RANGAP1: variants seen among roughly 807,000 people sequenced by gnomAD.
RANGAP1 encodes ran GTPase-activating protein 1.
A neutral mutation model predicts 63.5 loss-of-function variants in RANGAP1; 38 were observed. The observed-to-expected ratio is 0.60, with a 90% CI of 0.46 to 0.78. RANGAP1 has a LOEUF of 0.78. Among genes scored for constraint, RANGAP1 ranks in the 30% least tolerant of loss-of-function variants. The probability of loss-of-function intolerance (pLI) is 0.00; values close to 1 mark genes in which losing one functional copy is unlikely to be tolerated. For synonymous variants in RANGAP1, 329 were observed against 310.5 expected, an observed-to-expected ratio of 1.06 and a Z score of -0.63; for missense variants, 630 against 740.3, an observed-to-expected ratio of 0.85 and a Z score of 1.73.
intron 12 of RANGAP1, among the ~76,000 whole-genome samples, chr22:41,251,325 A>T (rs1439735481): frequency 6.6e-6 from 1 of 152,202 alleles, no homozygotes; most frequent in Non-Finnish European, 1.5e-5. Flanking sequence ...GTGAATGAAC[A>T]AGGATGAAAA....
At chr22:41,282,167 A>T (rs1286068693) in intron 1 of RANGAP1, 1 of 152,218 alleles carries the variant, frequency 6.6e-6, no homozygotes, top group African/African-American at 2.4e-5. Flanking sequence ...GTGTGGTGGC[A>T]CGTGCCTGTA....
the RANGAP1 span, among the ~76,000 whole-genome samples, chr22:41,300,654 A>G: frequency 6.7e-6 from 1 of 149,994 alleles, no homozygotes; most frequent in South Asian, 2.1e-4. Flanking sequence ...GTATTTTTGT[A>G]GAGATGGGGT....
intron 1 of RANGAP1, among the ~76,000 whole-genome samples, chr22:41,283,454 A>G (rs1192939542): frequency 6.6e-6 from 1 of 152,204 alleles, no homozygotes; most frequent in Non-Finnish European, 1.5e-5. Flanking sequence ...GGTTGCAGTG[A>G]GCCAAGATCG....
rs1379180843 is a variant in RANGAP1, at chr22:41,245,073, T to C, written c.*1530A>G. ...TCCACGTTGTAGCTGGCATCAGAACTTAATGCCAGCCCCACACCCACCCCC... is the reference window on the plus strand; with the variant it reads ...TCCACGTTGTAGCTGGCATCAGAACCTAATGCCAGCCCCACACCCACCCCC... On this transcript the variant is annotated 3_prime_UTR_variant, in exon 16 of 16. Transcript: ENST00000356244. Among the ~76,000 whole-genome samples, 11 of 152,354 alleles carry C rather than the reference T, an allele frequency of 7.2e-5. No homozygotes were observed. In the East Asian group the frequency reaches 1.5e-3, roughly 21 times the overall value.
At chr22:41,284,542 G>C (rs915312464) in intron 1 of RANGAP1, among the ~76,000 whole-genome samples, 2 of 151,606 alleles carry the variant, frequency 1.3e-5, no homozygotes, top group Non-Finnish European at 2.9e-5. Context: ...ACTCCAACGT[G>C]GGCAACAAGA....
chr22:41,263,791 G>A (rs781653787), intron 5 of RANGAP1, among the ~76,000 whole-genome samples: 4 of 152,330 alleles, frequency 2.6e-5, no homozygotes, highest in South Asian at 2.1e-4. Flanking sequence ...TCACCCTCAC[G>A]TCAGGCCGAG....
chr22:41,248,256 C>G (rs748027768), intron 15 of RANGAP1, among the ~76,000 whole-genome samples: 1 of 152,220 alleles, frequency 6.6e-6, no homozygotes, highest in Non-Finnish European at 1.5e-5. Context: ...CTACCTAGCA[C>G]CTGGCAGAGG....
Position 41,261,031 on chromosome 22 carries a change from C to T in RANGAP1, c.615+415G>A, listed in dbSNP as rs565774567. Among the ~76,000 whole-genome samples, 20 of 152,226 alleles carry T rather than the reference C, an allele frequency of 1.3e-4. No homozygotes were observed. In the South Asian group the frequency reaches 2.9e-3, roughly 22 times the overall value. The stretch of plus-strand genomic sequence containing the variant: ...CACGTCATTTGGCACCTGAGCCCTG[C>T]GGCTGCCCCTGCCTATCTCCCTGTC... On this transcript the variant is annotated intron_variant, in intron 6 of 15. Coordinates refer to ENST00000356244, the MANE Select transcript of RANGAP1 (RefSeq NM_002883.4).
At chr22:41,254,634 G>C in intron 10 of RANGAP1, 140 bp from the exon 11 acceptor site, 2 of 1,482,190 alleles carry the variant, frequency 1.3e-6, no homozygotes, top group Non-Finnish European at 1.8e-6. Context: ...TGCTCCCAGG[G>C]CAGGGGCAGG....
upstream of RANGAP1, among the ~76,000 whole-genome samples, chr22:41,290,158 AAGAGAGAG>A (rs1217806089): frequency 2.2e-5 from 3 of 138,648 alleles, no homozygotes; most frequent in African/African-American, 5.5e-5. Context: ...AAAAAAAAAA[AAGAGAGAG>A]AGAGAGAGAG....
chr22:41,250,471 A>C (rs940659080), intron 13 of RANGAP1, among the ~76,000 whole-genome samples: 1 of 152,190 alleles, frequency 6.6e-6, no homozygotes. Flanking sequence ...AGGCTCAGTC[A>C]AGCACATGGA....
At chr22:41,300,428 T>TCACACACACACACACACA in the RANGAP1 span, among the ~76,000 whole-genome samples, 8 of 36,276 alleles carry the variant, frequency 2.2e-4, no homozygotes, top group East Asian at 5.8e-4. Flanking sequence ...TATTGGGAAC[T>TCACACACACACACACACA]CACACACACA....
At chr22:41,256,606 G>T in intron 8 of RANGAP1, 105 bp downstream of exon 8, 1 of 949,950 alleles carries the variant, frequency 1.1e-6, no homozygotes, top group Non-Finnish European at 1.6e-6. Flanking sequence ...GAGGAGCTGG[G>T]ATATGGACAC....
intron 13 of RANGAP1, 45 bp from the exon 14 acceptor site, chr22:41,249,862 G>C (rs776080955): frequency 1.9e-6 from 3 of 1,567,182 alleles, no homozygotes; most frequent in African/African-American, 2.7e-5. Flanking sequence ...CTATGGCAGA[G>C]GGCTGGGCCA....
In RANGAP1 at chr22:41,246,388, AGACGTTAAAACCCAAATCCC is replaced by A; in HGVS notation, c.*195_*214del. 1.9e-6 allele frequency: 1 copy of A among 523,348 alleles called. No homozygotes were observed. The highest frequency in any genetic ancestry group is 3.4e-5 in the East Asian group (1 of 29,196). 32.4% of individuals were successfully genotyped at this position (523,348 alleles called of 1,614,324 possible). ...AACAGAGCAGGGCTGGGCCAGCAGA[AGACGTTAAAACCCAAATCCC>A]GACAGGAGGCACAGACCTGCACATG... On this transcript the variant is annotated 3_prime_UTR_variant, in exon 16 of 16. Transcript: ENST00000356244.
intron 2 of RANGAP1, chr22:41,280,659 A>T: frequency 1.5e-6 from 2 of 1,373,764 alleles, no homozygotes; most frequent in South Asian, 2.5e-5. Context: ...GACTGGCACT[A>T]ACTGTGGCCC....
chr22:41,274,563 C>G lies in RANGAP1; in HGVS notation c.240+37G>C, dbSNP rs768034212. The G allele has an allele frequency of 5.0e-5, 81 of 1,610,782 alleles. No individual in the cohort carries two copies. In the Middle Eastern group the frequency reaches 1.1e-3, roughly 21 times the overall value. On this transcript the variant is annotated intron_variant, in intron 3 of 15. Transcript: ENST00000356244. ...GTGGAAGTGTGAACAGAAGCTTGTTCAAACCAGCCTGGGCCTACTCGCCCC... is the reference window on the plus strand; with the variant it reads ...GTGGAAGTGTGAACAGAAGCTTGTTGAAACCAGCCTGGGCCTACTCGCCCC...
the RANGAP1 span, among the ~76,000 whole-genome samples, chr22:41,294,251 G>C: frequency 6.6e-6 from 1 of 152,198 alleles, no homozygotes; most frequent in Non-Finnish European, 1.5e-5. Context: ...ACGGGGTTTC[G>C]CTGTGTTGGC....
upstream of RANGAP1, among the ~76,000 whole-genome samples, chr22:41,286,555 C>G (rs2035757438): frequency 6.6e-6 from 1 of 152,244 alleles, no homozygotes; most frequent in Non-Finnish European, 1.5e-5. Flanking sequence ...TTGTTGATAA[C>G]AGGTACTGCT....
Sources: gnomAD v4.1 joint callset for allele counts (sites outside exome capture counted in the v4.1 genomes callset) on GRCh38, gnomAD v4.1.1 for gene constraint, MANE v1.5 for transcripts, NCBI Gene and HGNC (gene_info 2026-07-23, HGNC 2026-07-21) for gene names.